The following CSE1L variants were observed in gnomAD, a reference collection of about 807,000 sequenced individuals.
CSE1L encodes the protein chromosome segregation 1 like, also known as exportin-2.
A neutral mutation model predicts 120.4 loss-of-function variants in CSE1L; 24 were observed. The ratio of observed to expected loss-of-function variants is 0.20; its 90% CI spans 0.14 to 0.28. The LOEUF (loss-of-function observed/expected upper bound fraction) is 0.28. Ranked by LOEUF, CSE1L falls within the 10% of genes least tolerant of loss-of-function variation. The pLI is 1.00. For missense variants in CSE1L, 830 were observed against 1,145.2 expected, an observed-to-expected ratio of 0.72 and a Z score of 3.97; for synonymous variants, 402 against 398.3, an observed-to-expected ratio of 1.01 and a Z score of -0.11.
At chr20:49,085,048 T>C (rs1319484700) in intron 15 of CSE1L, among the ~76,000 whole-genome samples, 1 of 152,164 alleles carries the variant, frequency 6.6e-6, no homozygotes, top group Non-Finnish European at 1.5e-5. Flanking sequence ...ACTTCAGATG[T>C]TGTTGGGTTT....
intron 6 of CSE1L, 97 bp downstream of exon 6, chr20:49,067,377 T>A (rs1000782786): frequency 8.8e-6 from 7 of 791,008 alleles, no homozygotes; most frequent in Middle Eastern, 3.6e-4. Flanking sequence ...GCTTATTTGA[T>A]AGATAATGTT....
chr20:49,074,260 T>A (rs1296059571), intron 10 of CSE1L, among the ~76,000 whole-genome samples: 1 of 145,786 alleles, frequency 6.9e-6, no homozygotes, highest in East Asian at 2.1e-4. Flanking sequence ...AAAATAGAGA[T>A]GAGATCTCGC....
At chr20:49,075,125 C>T (rs982212241) in intron 11 of CSE1L, among the ~76,000 whole-genome samples, 193 bp from the exon 12 acceptor site, 6 of 151,678 alleles carry the variant, frequency 4.0e-5, no homozygotes, top group Non-Finnish European at 1.5e-5. Context: ...TTTTGTATTT[C>T]TTGGGGGCGG....
intron 14 of CSE1L, among the ~76,000 whole-genome samples, chr20:49,079,789 A>G (rs1236418139): frequency 6.6e-6 from 1 of 152,104 alleles, no homozygotes; most frequent in Non-Finnish European, 1.5e-5. Flanking sequence ...TTTGGTCTAA[A>G]ACAAATCCAG....
chr20:49,063,547 G>A (rs142935832), intron 3 of CSE1L, among the ~76,000 whole-genome samples: 98 of 152,164 alleles, frequency 6.4e-4, no homozygotes, highest in African/African-American at 2.2e-3. Context: ...GACAGAATGA[G>A]ACCTTGTCTC....
intron 19 of CSE1L, among the ~76,000 whole-genome samples, chr20:49,090,337 C>T (rs1600549571): frequency 6.6e-6 from 1 of 152,280 alleles, no homozygotes; most frequent in Middle Eastern, 3.4e-3. Flanking sequence ...GTGGGCAGAT[C>T]ACCTGAGGTC....
At chr20:49,091,942 CT>C in intron 21 of CSE1L, 103 bp from the exon 22 acceptor site, 1 of 673,958 alleles carries the variant, frequency 1.5e-6, no homozygotes. Flanking sequence ...ATGCCACAGC[CT>C]TTGGATGTTA....
At position 49,067,272 on chromosome 20, in the gene CSE1L, C is replaced by T. The variant is rs766490263; in HGVS notation, c.559C>T (p.Leu187Phe). The change falls in exon 6 of 25, where the codon CTT becomes TTT. Residue 187 changes from leucine to phenylalanine, a missense_variant. This residue lies in a region of CSE1L where 543 missense variants were observed against 640.2 expected (regional missense o/e 0.85). Coordinates refer to ENST00000262982, the MANE Select transcript of CSE1L (RefSeq NM_001316.4). ...TGCCTTTGCTTTGCCTTTGACTAAT[C>T]TTTTTAAGGTATGGAATGCATCTTG... ...LDAFALPLTNLFKATIELCST... is the reference protein window; with the variant it reads ...LDAFALPLTNFFKATIELCST... The T allele has an allele frequency of 3.8e-6, 6 of 1,599,786 alleles. No homozygotes were observed. The highest frequency in any genetic ancestry group is 4.3e-6 in the Non-Finnish European group (5 of 1,169,192).
intron 14 of CSE1L, 80 bp from the exon 15 acceptor site, chr20:49,083,946 C>T: frequency 7.2e-7 from 1 of 1,395,516 alleles, no homozygotes; most frequent in Admixed American, 2.1e-5. Context: ...TTTAAATCAA[C>T]AGGTCCTTCT....
chr20:49,086,921 G>A (rs6095432), intron 16 of CSE1L, among the ~76,000 whole-genome samples: 2 of 152,156 alleles, frequency 1.3e-5, no homozygotes, highest in Admixed American at 1.3e-4. Context: ...GTGAGGGATA[G>A]GTAGCAATCT....
In CSE1L at chr20:49,068,709, T is replaced by C. The variant is rs201833264; in HGVS notation, c.568-6T>C. On this transcript the variant is annotated splice_region_variant and splice_polypyrimidine_tract_variant and intron_variant, in intron 6 of 24. Transcript: ENST00000262982. ...CTAAAACCATGTTGCTAAATTCCTT[T>C]CCAAGGCCACTATTGAACTCTGCAG... 4 of 1,606,528 alleles carry C rather than the reference T, an allele frequency of 2.5e-6. No individual in the cohort carries two copies. Among genetic ancestry groups the C allele is most frequent in the Non-Finnish European group, 3.4e-6 (4 of 1,173,490 alleles).
intron 14 of CSE1L, among the ~76,000 whole-genome samples, chr20:49,081,569 G>A (rs1211096922): frequency 1.3e-5 from 2 of 152,124 alleles, no homozygotes; most frequent in South Asian, 2.1e-4. Context: ...TTTAATTTAC[G>A]TTTGTTTTAT....
At chr20:49,062,874 C>T (rs927360452) in intron 2 of CSE1L, among the ~76,000 whole-genome samples, 1 of 151,616 alleles carries the variant, frequency 6.6e-6, no homozygotes, top group African/African-American at 2.4e-5. Context: ...TGAAATAAGA[C>T]CTGGGTATAT....
chr20:49,068,713 A>G lies in CSE1L; in HGVS notation c.568-2A>G. On this transcript the variant is annotated splice_acceptor_variant, in intron 6 of 24. Coordinates refer to ENST00000262982, the MANE Select transcript of CSE1L (RefSeq NM_001316.4). LOFTEE classifies it high-confidence loss of function. ...AACCATGTTGCTAAATTCCTTTCCA[A>G]GGCCACTATTGAACTCTGCAGTACC... 1 of 1,608,714 alleles carries G rather than the reference A, an allele frequency of 6.2e-7. No homozygotes were observed. Among genetic ancestry groups the G allele is most frequent in the Non-Finnish European group, 8.5e-7 (1 of 1,175,396 alleles).
At position 49,085,531 on chromosome 20, in the gene CSE1L, A is replaced by G. The variant is rs560667714; in HGVS notation, c.1723+145A>G. The G allele has an allele frequency of 1.4e-3, 613 of 436,038 alleles. 4 individuals carry two copies. Among genetic ancestry groups the G allele is most frequent in the South Asian group, 8.0e-3 (200 of 24,982 alleles). 27.0% of individuals were successfully genotyped at this position (436,038 alleles called of 1,614,324 possible). On this transcript the variant is annotated intron_variant, in intron 16 of 24. Coordinates refer to ENST00000262982, the MANE Select transcript of CSE1L (RefSeq NM_001316.4). Reference sequence around the variant, plus strand: ...AAGTTAGTTTAGATATTTCAAAATGAAAAACATTATCTTGTTTACTACTAA... The same window carrying G: ...AAGTTAGTTTAGATATTTCAAAATGGAAAACATTATCTTGTTTACTACTAA...
chr20:49,056,953 T>G (rs2091813312), intron 1 of CSE1L, among the ~76,000 whole-genome samples: 1 of 152,132 alleles, frequency 6.6e-6, no homozygotes, highest in South Asian at 2.1e-4. Context: ...GTCACCTTGT[T>G]GTACAATAAA....
chr20:49,053,143 C>G (rs1402016277), intron 1 of CSE1L, among the ~76,000 whole-genome samples: 1 of 111,214 alleles, frequency 9.0e-6, no homozygotes, highest in Admixed American at 1.0e-4. Context: ...GACCCCCTGT[C>G]TCTCTTTTTT....
intron 21 of CSE1L, among the ~76,000 whole-genome samples, chr20:49,091,407 C>T (rs6063351): frequency 0.41 from 61,681 of 150,982 alleles, 12,649 homozygotes; most frequent in Middle Eastern, 0.52. Context: ...TCCTAGGTGA[C>T]AGAGTGAGAC....
At chr20:49,081,199 G>A (rs888206120) in intron 14 of CSE1L, among the ~76,000 whole-genome samples, 1 of 152,002 alleles carries the variant, frequency 6.6e-6, no homozygotes, top group Non-Finnish European at 1.5e-5. Flanking sequence ...GGCCAGACTG[G>A]TCTCAAACTC....
Sources: allele counts gnomAD v4.1 joint callset (sites outside exome capture counted in the v4.1 genomes callset), GRCh38; gene constraint gnomAD v4.1.1; regional missense constraint gnomAD v4.1.1; transcripts MANE v1.5; gene names NCBI Gene and HGNC (gene_info 2026-07-23, HGNC 2026-07-21).